VOPP1: variants seen among roughly 807,000 people sequenced by gnomAD.
VOPP1 encodes the protein VOPP1 WW domain binding protein, also known as WW domain binding protein VOPP1.
VOPP1 carries 8 observed loss-of-function variants against 23.5 expected under a neutral mutation model. The ratio of observed to expected loss-of-function variants is 0.34; its 90% CI spans 0.20 to 0.61. The LOEUF (loss-of-function observed/expected upper bound fraction) is 0.61, where lower values mean the gene tolerates loss of function less well. VOPP1 is among the 20% of genes least tolerant of loss of function. The probability of loss-of-function intolerance (pLI) is 0.78; values close to 1 mark genes in which losing one functional copy is unlikely to be tolerated. For missense variants in VOPP1, 174 were observed against 238.1 expected (o/e 0.73, Z 1.77); for synonymous variants, 83 against 97.3 (o/e 0.85, Z 0.86).
chr7:55,512,744 G>A (rs1207776529), intron 2 of VOPP1, among the ~76,000 whole-genome samples: 3 of 152,212 alleles, frequency 2.0e-5, no homozygotes, highest in Non-Finnish European at 4.4e-5. Context: ...ATCCTGGAAG[G>A]CCCCAGTGCT....
At chr7:55,522,017 G>T in intron 1 of VOPP1, 1 of 633,102 alleles carries the variant, frequency 1.6e-6, no homozygotes, top group African/African-American at 2.0e-5. Flanking sequence ...ACATTATGGT[G>T]CAAAGCTCCC....
intron 1 of VOPP1, among the ~76,000 whole-genome samples, chr7:55,534,842 C>T (rs562717436): frequency 6.6e-6 from 1 of 152,374 alleles, no homozygotes; most frequent in African/African-American, 2.4e-5. Context: ...ACTAGCTCAC[C>T]CCAGCCACAT....
At chr7:55,496,656 G>A (rs965430695) in intron 3 of VOPP1, among the ~76,000 whole-genome samples, 5 of 152,314 alleles carry the variant, frequency 3.3e-5, no homozygotes, top group Admixed American at 6.5e-5. Context: ...CACCCAACAC[G>A]TGGAGTCCCC....
intron 1 of VOPP1, among the ~76,000 whole-genome samples, chr7:55,550,660 T>G (rs999264181): frequency 1.3e-5 from 2 of 152,172 alleles, no homozygotes; most frequent in Admixed American, 1.3e-4. Flanking sequence ...AGTCCACCAT[T>G]AGCCCTATCG....
At position 55,565,892 on chromosome 7, in the gene VOPP1, G is replaced by A. The variant is rs1479432628; in HGVS notation, c.54+6379C>T. ...AATAAGTGCCAGTGGGGAGGACCTG[G>A]AGGGGAACCAAAGGTTTCAGCACAA... On this transcript the variant is annotated intron_variant, in intron 1 of 4. Transcript: ENST00000285279. Among the ~76,000 whole-genome samples the A allele has an allele frequency of 2.0e-5, 3 of 152,178 alleles. No homozygotes were observed. The East Asian group carries it at 5.8e-4, about 29-fold the overall frequency.
In VOPP1 at chr7:55,572,150, C is replaced by T. The variant is rs1798386477; in HGVS notation, c.54+121G>A. 7 of 728,128 alleles carry T rather than the reference C, an allele frequency of 9.6e-6. No homozygotes were observed. The South Asian group carries it at 1.2e-4, about 13-fold the overall frequency. The allele number at this position is 728,128 out of a possible 1,614,324, so 45.1% of individuals were successfully genotyped here. On this transcript the variant is annotated intron_variant, in intron 1 of 4. Transcript: ENST00000285279. ...GGGAGGCGCGCAGGGCTGTGGCTCCCCGTCGCTCCACCGTCTGCGCTCCCA... is the reference window on the plus strand; with the variant it reads ...GGGAGGCGCGCAGGGCTGTGGCTCCTCGTCGCTCCACCGTCTGCGCTCCCA...
chr7:55,520,949 G>A lies in VOPP1; in HGVS notation c.113+123C>T, dbSNP rs186476709. ...CTCATCCCCCAGTGAGGCAAGCCTG[G>A]CACCGCAGCAGAGGCTGGGCCACGC... On this transcript the variant is annotated intron_variant, in intron 2 of 4. Coordinates refer to ENST00000285279, the MANE Select transcript of VOPP1 (RefSeq NM_030796.5). 5.0e-6 allele frequency: 5 copies of A among 1,000,648 alleles called. No individual in the cohort carries two copies. The Admixed American group carries it at 1.2e-4, about 23-fold the overall frequency. The allele number at this position is 1,000,648 out of a possible 1,614,324, so 62.0% of individuals were successfully genotyped here.
intron 3 of VOPP1, among the ~76,000 whole-genome samples, chr7:55,496,671 C>T (rs930498593): frequency 6.6e-6 from 1 of 152,156 alleles, no homozygotes. Flanking sequence ...GTCCCCACTC[C>T]CTATAGGCTT....
At chr7:55,550,174 C>T (rs893405639) in intron 1 of VOPP1, among the ~76,000 whole-genome samples, 3 of 152,224 alleles carry the variant, frequency 2.0e-5, no homozygotes, top group Non-Finnish European at 4.4e-5. Context: ...TGGCAGAATC[C>T]ACTTCCTGGA....
At chr7:55,497,314 T>C (rs1445331923) in intron 3 of VOPP1, among the ~76,000 whole-genome samples, 2 of 152,340 alleles carry the variant, frequency 1.3e-5, no homozygotes, top group Admixed American at 6.5e-5. Context: ...CTTGGCTCCA[T>C]TTCAGAAACT....
At chr7:55,492,502 T>G in intron 3 of VOPP1, 84 bp from the exon 4 acceptor site, 1 of 1,444,734 alleles carries the variant, frequency 6.9e-7, no homozygotes, top group Non-Finnish European at 9.2e-7. Context: ...CCTCATGCAC[T>G]CCTCGGGGGT....
intron 2 of VOPP1, among the ~76,000 whole-genome samples, chr7:55,517,765 T>C (rs1188869422): frequency 1.3e-5 from 2 of 152,158 alleles, no homozygotes; most frequent in Non-Finnish European, 2.9e-5. Context: ...TGAGCAAGAC[T>C]GGATGGAGTA....
At chr7:55,538,227 T>G (rs1051320446) in intron 1 of VOPP1, among the ~76,000 whole-genome samples, 1 of 152,196 alleles carries the variant, frequency 6.6e-6, no homozygotes, top group Non-Finnish European at 1.5e-5. Flanking sequence ...CCACTCTGAG[T>G]AGCGATTTGC....
At chr7:55,436,905 T>G (rs965843698) in intron 4 of VOPP1, among the ~76,000 whole-genome samples, 5 of 152,042 alleles carry the variant, frequency 3.3e-5, no homozygotes, top group Admixed American at 6.5e-5. Context: ...CCCTCCTCCT[T>G]ACTGTACAAG....
downstream of VOPP1, among the ~76,000 whole-genome samples, chr7:55,435,642 G>A (rs967280202): frequency 6.6e-6 from 1 of 152,216 alleles, no homozygotes; most frequent in South Asian, 2.1e-4. Flanking sequence ...CCTGTCAGAG[G>A]CAGGGCTCCT....
At chr7:55,445,992 T>TG (rs35572229) in intron 4 of VOPP1, among the ~76,000 whole-genome samples, 7 of 17,820 alleles carry the variant, frequency 3.9e-4, no homozygotes, top group Non-Finnish European at 1.2e-3. Flanking sequence ...CAGGTGAAAC[T>TG]TTTTTTTTTT....
Position 55,521,140 on chromosome 7 carries a change from G to T in VOPP1, c.55-10C>A. 1 of 1,571,140 alleles carries T rather than the reference G, an allele frequency of 6.4e-7. No homozygotes were observed. The highest frequency in any genetic ancestry group is 8.6e-7 in the Non-Finnish European group (1 of 1,157,110). Reference sequence around the variant, plus strand: ...TTTTGGCTTCTGTGCACTGCAAATAGAAGCAAGAAAAAGTTTGTCAGTACT... The same window carrying T: ...TTTTGGCTTCTGTGCACTGCAAATATAAGCAAGAAAAAGTTTGTCAGTACT... On this transcript the variant is annotated splice_polypyrimidine_tract_variant and intron_variant, in intron 1 of 4. Coordinates refer to ENST00000285279, the MANE Select transcript of VOPP1 (RefSeq NM_030796.5).
Position 55,446,981 on chromosome 7 carries a change from T to C in VOPP1, n.418-10807A>G, listed in dbSNP as rs369559727. On this transcript the variant is annotated intron_variant and non_coding_transcript_variant, in intron 4 of 4. Transcript: ENST00000462326. ...TGTCACAGGATAGTTATTGCAGCTCTAGATATCACATCAGTGATCAAAGCA... is the reference window on the plus strand; with the variant it reads ...TGTCACAGGATAGTTATTGCAGCTCCAGATATCACATCAGTGATCAAAGCA... Among the ~76,000 whole-genome samples the C allele has an allele frequency of 3.3e-5, 5 of 152,372 alleles. No individual in the cohort carries two copies. In the East Asian group the frequency reaches 5.8e-4, roughly 18 times the overall value.
intron 1 of VOPP1, among the ~76,000 whole-genome samples, chr7:55,535,384 G>C (rs1306420632): frequency 1.3e-5 from 2 of 152,206 alleles, no homozygotes; most frequent in African/African-American, 2.4e-5. Context: ...TGAGCTCAGA[G>C]GGCACTGGGG....
Sources: gnomAD v4.1 joint callset for allele counts (sites outside exome capture counted in the v4.1 genomes callset) on GRCh38, gnomAD v4.1.1 for gene constraint, MANE v1.5 for transcripts, NCBI Gene and HGNC (gene_info 2026-07-23, HGNC 2026-07-21) for gene names.